The following UGT1A5 variants were observed in gnomAD, a reference collection of about 807,000 sequenced individuals.
The protein encoded by UGT1A5 is UDP-glucuronosyltransferase 1A5.
A neutral mutation model predicts 40.3 loss-of-function variants in UGT1A5; 29 were observed. The ratio of observed to expected loss-of-function variants is 0.72; its 90% confidence interval spans 0.54 to 0.98. The LOEUF (loss-of-function observed/expected upper bound fraction) is 0.98. Among genes scored for constraint, UGT1A5 ranks in the 50% least tolerant of loss-of-function variants. The pLI, the probability that UGT1A5 is intolerant of heterozygous loss-of-function variation, is 0.00. For missense variants in UGT1A5, 678 were observed against 677.9 expected, an observed-to-expected ratio of 1.00 and a Z score of 0.00; for synonymous variants, 257 against 262.5, an observed-to-expected ratio of 0.98 and a Z score of 0.20.
Position 233,720,581 on chromosome 2 carries a change from A to G in UGT1A5, c.867+6723A>G, listed in dbSNP as rs181667359. On this transcript the variant is annotated intron_variant, in intron 1 of 4. Transcript: ENST00000373414. ...AGTGGGATCTATTCTTTTTCCAAAA[A>G]TTTCAGAGGTGACTTTCATTAATAC... Among the ~76,000 whole-genome samples, 178 of 152,248 alleles carry G rather than the reference A, an allele frequency of 1.2e-3. 1 individual carries two copies. The highest frequency in any genetic ancestry group is 5.3e-3 in the Admixed American group (81 of 15,296).
chr2:233,771,498 A>G (rs1006234323), intron 4 of UGT1A5: 3 of 152,314 alleles, frequency 2.0e-5, no homozygotes, highest in Non-Finnish European at 4.4e-5. Flanking sequence ...TAATGTTTCA[A>G]TGACTGAATT....
chr2:233,720,226 G>A (rs989732732), intron 1 of UGT1A5, among the ~76,000 whole-genome samples: 1 of 152,194 alleles, frequency 6.6e-6, no homozygotes, highest in South Asian at 2.1e-4. Context: ...CATGTGATCA[G>A]AGAATGAAAC....
At chr2:233,743,723 T>C (rs1252847371) in intron 1 of UGT1A5, 5 of 1,367,380 alleles carry the variant, frequency 3.7e-6, no homozygotes, top group South Asian at 2.3e-5. Flanking sequence ...ATAGCGGTCA[T>C]AGATATCGCG....
intron 1 of UGT1A5, among the ~76,000 whole-genome samples, chr2:233,737,177 G>A (rs566988062): frequency 3.9e-5 from 6 of 152,300 alleles, no homozygotes; most frequent in Middle Eastern, 3.4e-3. Flanking sequence ...AGTCTATAGC[G>A]GCAGTAGCCC....
chr2:233,720,530 C>T (rs753695655), intron 1 of UGT1A5, among the ~76,000 whole-genome samples: 4 of 152,090 alleles, frequency 2.6e-5, no homozygotes, highest in Non-Finnish European at 5.9e-5. Context: ...TCACCAAACT[C>T]ACCCTATCCC....
At chr2:233,748,647 C>A (rs1378497880) in intron 1 of UGT1A5, among the ~76,000 whole-genome samples, 4 of 151,722 alleles carry the variant, frequency 2.6e-5, no homozygotes, top group African/African-American at 9.7e-5. Flanking sequence ...GAATTACACA[C>A]TGAGTTCAGT....
At chr2:233,729,097 G>A in intron 1 of UGT1A5, 5 of 1,612,664 alleles carry the variant, frequency 3.1e-6, no homozygotes, top group Non-Finnish European at 4.2e-6. Flanking sequence ...GCGTGGGGTG[G>A]ACAGTCAGCT....
intron 1 of UGT1A5, chr2:233,748,135 T>A (rs1220195478): frequency 6.8e-6 from 11 of 1,609,160 alleles, no homozygotes; most frequent in Admixed American, 3.3e-5. Context: ...TTTTTAAAAA[T>A]TGTATTTACT....
intron 1 of UGT1A5, among the ~76,000 whole-genome samples, chr2:233,745,523 G>C (rs530279744): frequency 6.6e-6 from 1 of 151,554 alleles, no homozygotes; most frequent in Non-Finnish European, 1.5e-5. Context: ...GGTCTAATGG[G>C]GATGTGTTAT....
intron 1 of UGT1A5, among the ~76,000 whole-genome samples, chr2:233,723,516 C>CTTT (rs1162916866): frequency 1.9e-4 from 16 of 85,394 alleles, no homozygotes; most frequent in African/African-American, 7.3e-4. Context: ...GGTCAACAAT[C>CTTT]TTTTTTTTTT....
chr2:233,727,319 C>A (rs1000765944), intron 1 of UGT1A5, among the ~76,000 whole-genome samples: 1 of 152,168 alleles, frequency 6.6e-6, no homozygotes, highest in Non-Finnish European at 1.5e-5. Flanking sequence ...GTTTCCCAGG[C>A]ACCAGGAGCT....
chr2:233,734,300 G>GAAGA (rs2078508632), intron 1 of UGT1A5, among the ~76,000 whole-genome samples: 1 of 152,112 alleles, frequency 6.6e-6, no homozygotes, highest in Non-Finnish European at 1.5e-5. Context: ...AGATTTTCTA[G>GAAGA]TTTATTTGTG....
In UGT1A5 at chr2:233,768,702, G is replaced by A. The variant is rs573948432; in HGVS notation, c.1307+263G>A. On this transcript the variant is annotated intron_variant, in intron 4 of 4. Coordinates refer to ENST00000373414, the MANE Select transcript of UGT1A5 (RefSeq NM_019078.2). Reference sequence around the variant, plus strand: ...CCCACGTTCAAGCAGTTCTGCCTCAGCCTCCGTGTAGCTGGGATTACAGGT... The same window carrying A: ...CCCACGTTCAAGCAGTTCTGCCTCAACCTCCGTGTAGCTGGGATTACAGGT... 1.1e-4 allele frequency among the ~76,000 whole-genome samples: 17 copies of A among 148,464 alleles called. No homozygotes were observed. In the East Asian group the frequency reaches 3.4e-3, roughly 30 times the overall value.
intron 1 of UGT1A5, among the ~76,000 whole-genome samples, chr2:233,764,553 G>A (rs1698592090): frequency 1.3e-5 from 2 of 152,198 alleles, no homozygotes; most frequent in South Asian, 4.1e-4. Flanking sequence ...GTGTGGGAGG[G>A]TGTGCCTGGA....
intron 1 of UGT1A5, chr2:233,761,223 C>T: frequency 1.2e-6 from 2 of 1,613,412 alleles, no homozygotes; most frequent in Non-Finnish European, 1.7e-6. Context: ...ATTAACTAGC[C>T]CCAGATATAT....
intron 1 of UGT1A5, chr2:233,743,283 G>A: frequency 2.0e-6 from 1 of 501,770 alleles, no homozygotes. Context: ...CCCTTTCTTG[G>A]CCATTCTCAA....
intron 1 of UGT1A5, chr2:233,755,034 C>T (rs1309322723): frequency 1.5e-6 from 2 of 1,316,576 alleles, no homozygotes; most frequent in Admixed American, 3.8e-5. Context: ...GGGCCTGCCG[C>T]CTGCGCAGCC....
intron 1 of UGT1A5, among the ~76,000 whole-genome samples, chr2:233,745,269 G>A (rs528500230): frequency 2.6e-5 from 4 of 151,940 alleles, no homozygotes; most frequent in Admixed American, 2.6e-4. Context: ...CTTGCAGGCC[G>A]TGTGTATAGC....
At chr2:233,731,647 G>A (rs2078187092) in intron 1 of UGT1A5, among the ~76,000 whole-genome samples, 1 of 152,156 alleles carries the variant, frequency 6.6e-6, no homozygotes, top group Admixed American at 6.5e-5. Flanking sequence ...GTATTCCATG[G>A]TGTATATGTG....
Sources: allele counts gnomAD v4.1 joint callset (sites outside exome capture counted in the v4.1 genomes callset), GRCh38; gene constraint gnomAD v4.1.1; transcripts MANE v1.5; gene names NCBI Gene and HGNC (gene_info 2026-07-23, HGNC 2026-07-21).